The following TIA1 variants were observed in gnomAD, a reference collection of about 807,000 sequenced individuals.
The protein encoded by TIA1 is cytotoxic granule associated RNA binding protein TIA1.
A neutral mutation model predicts 65.9 loss-of-function variants in TIA1; 23 were observed. The ratio of observed to expected loss-of-function variants is 0.35; its 90% CI spans 0.25 to 0.49. The LOEUF (loss-of-function observed/expected upper bound fraction) is 0.49, where lower values mean the gene tolerates loss of function less well. Among genes scored for constraint, TIA1 ranks in the 20% least tolerant of loss-of-function variants. TIA1 has a pLI of 0.98. For missense variants in TIA1, 371 were observed against 477.9 expected (o/e 0.78, Z 2.09); for synonymous variants, 147 against 149.4 (o/e 0.98, Z 0.12).
In TIA1 at chr2:70,242,436, T is replaced by C. The variant is rs182867175; in HGVS notation, c.26+5969A>G. On this transcript the variant is annotated intron_variant, in intron 1 of 12. Coordinates refer to ENST00000433529, the MANE Select transcript of TIA1 (RefSeq NM_022173.4). ...ATCACCTGAACCCGGGAAGTGGAGGTTGCAGTGAGCCGAGATCTCACCACG... is the reference window on the plus strand; with the variant it reads ...ATCACCTGAACCCGGGAAGTGGAGGCTGCAGTGAGCCGAGATCTCACCACG... Among the ~76,000 whole-genome samples the C allele has an allele frequency of 3.6e-3, 448 of 126,066 alleles. 3 individuals carry two copies. Among genetic ancestry groups the C allele is most frequent in the Middle Eastern group, 9.3e-3 (2 of 216 alleles). 82.7% of individuals were successfully genotyped at this position (126,066 alleles called of 152,430 possible). A position where few individuals can be genotyped will look rare whatever the true frequency, so the allele number is the denominator to read the frequency against.
intron 5 of TIA1, 108 bp downstream of exon 5, chr2:70,228,950 TA>T: frequency 8.7e-7 from 1 of 1,149,716 alleles, no homozygotes; most frequent in Non-Finnish European, 1.1e-6. Context: ...CAAATAGAAA[TA>T]ATATCTCCTC....
intron 12 of TIA1, among the ~76,000 whole-genome samples, chr2:70,213,657 C>CA (rs890251193): frequency 1.2e-4 from 17 of 140,666 alleles, no homozygotes; most frequent in Non-Finnish European, 2.5e-4. Flanking sequence ...CCACAAAATC[C>CA]TTTTTTTTTT....
At chr2:70,215,197 A>G in intron 11 of TIA1, 174 bp downstream of exon 11, 1 of 738,066 alleles carries the variant, frequency 1.4e-6, no homozygotes, top group Non-Finnish European at 2.1e-6. Flanking sequence ...CACATTCATC[A>G]TGTCACCACT....
chr2:70,231,087 C>T (rs996313208), intron 2 of TIA1, among the ~76,000 whole-genome samples: 4 of 152,102 alleles, frequency 2.6e-5, no homozygotes, highest in African/African-American at 9.7e-5. Flanking sequence ...ATCATGAGGT[C>T]AGCAGTTTGA....
intron 1 of TIA1, among the ~76,000 whole-genome samples, chr2:70,237,720 C>T (rs1573698694): frequency 1.3e-5 from 2 of 151,526 alleles, no homozygotes; most frequent in Admixed American, 6.6e-5. Context: ...AAAAATTAGC[C>T]GGGCGTGGTG....
At position 70,209,711 on chromosome 2, in the gene TIA1, T is replaced by C. The variant is rs918339849; in HGVS notation, c.*3008A>G. On this transcript the variant is annotated 3_prime_UTR_variant, in exon 13 of 13. Coordinates refer to ENST00000433529, the MANE Select transcript of TIA1 (RefSeq NM_022173.4). ...CGATTTCGTGAAATAAAGAACATTA[T>C]TTGAGAGAAAAAAACTGATTTTTTT... is the stretch of plus-strand genomic sequence containing the variant. 5.0e-6 allele frequency: 2 copies of C among 398,166 alleles called. No individual in the cohort carries two copies. Among genetic ancestry groups the C allele is most frequent in the African/African-American group, 2.1e-5 (1 of 48,616 alleles). 24.7% of individuals were successfully genotyped at this position (398,166 alleles called of 1,614,324 possible). A position where few individuals can be genotyped will look rare whatever the true frequency, so the allele number is the denominator to read the frequency against.
At position 70,248,622 on chromosome 2, in the gene TIA1, T is replaced by C; in HGVS notation, c.-192A>G. On this transcript the variant is annotated 5_prime_UTR_variant, in exon 1 of 13. Transcript: ENST00000433529. Reference sequence around the variant, plus strand: ...GGAACAATGAAACCCCAATACAAGATGGCGGCGAGCCGGGAGCCTAGGAGC... The same window carrying C: ...GGAACAATGAAACCCCAATACAAGACGGCGGCGAGCCGGGAGCCTAGGAGC... The C allele has an allele frequency of 2.7e-6, 2 of 744,040 alleles. No individual in the cohort carries two copies. Among genetic ancestry groups the C allele is most frequent in the Non-Finnish European group, 4.4e-6 (2 of 456,940 alleles). 46.1% of individuals were successfully genotyped at this position (744,040 alleles called of 1,614,324 possible). A position where few individuals can be genotyped will look rare whatever the true frequency, so the allele number is the denominator to read the frequency against.
chr2:70,236,018 A>G (rs1688737095), intron 2 of TIA1, 61 bp downstream of exon 2: 1 of 995,624 alleles, frequency 1.0e-6, no homozygotes, highest in Admixed American at 2.2e-5. Context: ...CTTCCAAGCA[A>G]TGGCTTTAAG....
At chr2:70,239,340 C>T (rs1349584561) in intron 1 of TIA1, among the ~76,000 whole-genome samples, 1 of 152,156 alleles carries the variant, frequency 6.6e-6, no homozygotes, top group African/African-American at 2.4e-5. Context: ...GATCTGCTTG[C>T]CTCGGCCTCC....
chr2:70,238,626 C>G (rs1690228745), intron 1 of TIA1, among the ~76,000 whole-genome samples: 1 of 151,926 alleles, frequency 6.6e-6, no homozygotes, highest in African/African-American at 2.4e-5. Context: ...GATGAGAAAC[C>G]TTCCATTTAA....
intron 1 of TIA1, among the ~76,000 whole-genome samples, chr2:70,239,529 C>G (rs1196608562): frequency 6.6e-6 from 1 of 152,166 alleles, no homozygotes; most frequent in African/African-American, 2.4e-5. Context: ...TCATTTGTCT[C>G]TCAGGTACCC....
rs143209672 is a variant in TIA1 at position 70,227,822 on chromosome 2, T to A, written c.311A>T (p.Asp104Val). 1.3e-6 allele frequency: 2 copies of A among 1,596,964 alleles called. No homozygotes were observed. The highest frequency in any genetic ancestry group is 1.7e-6 in the Non-Finnish European group (2 of 1,169,300). Reference sequence around the variant, plus strand: ...ATCACCAACAAAGACATGGAAATGATCTTATAAGGGGAAGGAAGGGGAAGT... The same window carrying A: ...ATCACCAACAAAGACATGGAAATGAACTTATAAGGGGAAGGAAGGGGAAGT... ...STVVSTQRSQDHFHVFVGDLS... is the reference protein window; with the variant it reads ...STVVSTQRSQVHFHVFVGDLS... Residue 104 changes from aspartate to valine, a missense_variant and splice_region_variant, in exon 6 of 13, where the codon GAT becomes GTT. By Grantham distance (152) the Asp-to-Val change is radical. Coordinates refer to ENST00000433529, the MANE Select transcript of TIA1 (RefSeq NM_022173.4).
intron 2 of TIA1, among the ~76,000 whole-genome samples, chr2:70,235,352 T>G (rs1366011246): frequency 6.6e-6 from 1 of 151,794 alleles, no homozygotes; most frequent in Non-Finnish European, 1.5e-5. Context: ...GAGGCGGAGG[T>G]TGCAGCGAGC....
rs189085698 is a variant in TIA1, at chr2:70,210,496, T to A, written c.*2223A>T. 7.5e-4 allele frequency: 115 copies of A among 152,368 alleles called. 1 individual carries two copies. The highest frequency in any genetic ancestry group is 2.6e-3 in the African/African-American group (110 of 41,590). The allele number at this position is 152,368 out of a possible 1,614,324, so 9.4% of individuals were successfully genotyped here. A position where few individuals can be genotyped will look rare whatever the true frequency, so the allele number is the denominator to read the frequency against. ...GTAACCTTTTCATCATGAGTACTGA[T>A]ACCACTTTCTTCTCAGAAAGTAGTC... On this transcript the variant is annotated 3_prime_UTR_variant, in exon 13 of 13. Coordinates refer to ENST00000433529, the MANE Select transcript of TIA1 (RefSeq NM_022173.4).
chr2:70,247,189 T>C (rs1247899294), intron 1 of TIA1, among the ~76,000 whole-genome samples: 2 of 152,164 alleles, frequency 1.3e-5, no homozygotes, highest in Non-Finnish European at 2.9e-5. Context: ...ACTGAAAAGA[T>C]ACTTTCTGAG....
chr2:70,218,547 C>A (rs1679714548), intron 7 of TIA1, among the ~76,000 whole-genome samples: 1 of 152,126 alleles, frequency 6.6e-6, no homozygotes, highest in South Asian at 2.1e-4. Flanking sequence ...TTCTCCTGTA[C>A]AGGTGCCAGC....
In TIA1 at chr2:70,224,436, G is replaced by A. The variant is rs953815838; in HGVS notation, c.474+118C>T. 3 of 1,391,402 alleles carry A rather than the reference G, an allele frequency of 2.2e-6. No individual in the cohort carries two copies. The East Asian group carries it at 7.3e-5, about 34-fold the overall frequency. The allele number at this position is 1,391,402 out of a possible 1,614,324, so 86.2% of individuals were successfully genotyped here. On this transcript the variant is annotated intron_variant, in intron 7 of 12. Coordinates refer to ENST00000433529, the MANE Select transcript of TIA1 (RefSeq NM_022173.4). ...AAAACAGAAGAAATCTTCTAGTGAG[G>A]GTTTATTTTAATCATCAGTAAAATA...
intron 3 of TIA1, among the ~76,000 whole-genome samples, chr2:70,229,740 A>G (rs1573513883): frequency 2.0e-5 from 3 of 152,128 alleles, no homozygotes; most frequent in Admixed American, 1.3e-4. Flanking sequence ...GGAGTTCAAG[A>G]CCAGCCTGGC....
intron 7 of TIA1, among the ~76,000 whole-genome samples, chr2:70,217,439 C>T (rs182227332): frequency 2.0e-5 from 3 of 152,070 alleles, no homozygotes; most frequent in East Asian, 1.9e-4. Flanking sequence ...GCTCTGTGGC[C>T]CAGGCTGGAG....
Sources: gnomAD v4.1 joint callset for allele counts (sites outside exome capture counted in the v4.1 genomes callset) on GRCh38, gnomAD v4.1.1 for gene constraint, MANE v1.5 for transcripts, NCBI Gene and HGNC (gene_info 2026-07-23, HGNC 2026-07-21) for gene names.